Variants in PLXNA4 observed in about 807,000 individuals in gnomAD.
PLXNA4 encodes plexin A4, also known as plexin-A4.
PLXNA4 carries 44 observed loss-of-function variants against 191.8 expected under a neutral mutation model. The observed-to-expected ratio is 0.23, with a 90% CI of 0.18 to 0.29. The LOEUF (loss-of-function observed/expected upper bound fraction) is 0.29. PLXNA4 is among the 10% of genes least tolerant of loss of function. PLXNA4 has a pLI of 1.00. For synonymous variants in PLXNA4, 1,082 were observed against 1,009.5 expected, an observed-to-expected ratio of 1.07 and a Z score of -1.36; for missense variants, 1,800 against 2,488.8, an observed-to-expected ratio of 0.72 and a Z score of 5.89.
chr7:132,515,935 G>T (rs1178084450), intron 1 of PLXNA4, among the ~76,000 whole-genome samples: 1 of 152,196 alleles, frequency 6.6e-6, no homozygotes, highest in Non-Finnish European at 1.5e-5. Context: ...TGAGGACAAG[G>T]ATTATATATT....
intron 3 of PLXNA4, among the ~76,000 whole-genome samples, chr7:132,339,170 A>T (rs1320232027): frequency 2.6e-5 from 4 of 152,226 alleles, no homozygotes; most frequent in African/African-American, 9.6e-5. Flanking sequence ...TTCACAGACC[A>T]CACAAACTGA....
At chr7:132,626,492 A>T (rs996414453) in intron 2 of PLXNA4, among the ~76,000 whole-genome samples, 3 of 152,180 alleles carry the variant, frequency 2.0e-5, no homozygotes, top group African/African-American at 7.2e-5. Context: ...GTTTAGCACC[A>T]TCCCTTTGGT....
intron 3 of PLXNA4, among the ~76,000 whole-genome samples, chr7:132,442,494 C>T (rs1168650005): frequency 2.0e-5 from 3 of 152,328 alleles, no homozygotes; most frequent in East Asian, 1.9e-4. Flanking sequence ...TTTTCTCGAA[C>T]GGGCAACTTT....
intron 2 of PLXNA4, among the ~76,000 whole-genome samples, chr7:132,591,620 T>G (rs977223496): frequency 1.3e-5 from 2 of 152,240 alleles, no homozygotes; most frequent in African/African-American, 4.8e-5. Flanking sequence ...AAAAATTTAC[T>G]GGTAAGGGTC....
intron 1 of PLXNA4, among the ~76,000 whole-genome samples, chr7:132,515,156 A>T (rs1294896735): frequency 6.6e-6 from 1 of 152,190 alleles, no homozygotes; most frequent in South Asian, 2.1e-4. Flanking sequence ...ACCAGATGTA[A>T]CCTTGGAGAG....
At chr7:132,583,403 C>T (rs987371674) in intron 2 of PLXNA4, among the ~76,000 whole-genome samples, 1 of 152,216 alleles carries the variant, frequency 6.6e-6, no homozygotes, top group African/African-American at 2.4e-5. Flanking sequence ...GCTGATCGTC[C>T]ACTTTCCCTC....
At chr7:132,547,658 C>T (rs1325738070) in intron 1 of PLXNA4, among the ~76,000 whole-genome samples, 3 of 152,054 alleles carry the variant, frequency 2.0e-5, no homozygotes, top group African/African-American at 7.2e-5. Context: ...AATCAAGGGA[C>T]AGACATTCCA....
chr7:132,401,498 A>C (rs1167475140), intron 3 of PLXNA4, among the ~76,000 whole-genome samples: 1 of 152,246 alleles, frequency 6.6e-6, no homozygotes, highest in East Asian at 1.9e-4. Flanking sequence ...CATGTGATAC[A>C]GTACCAAAAG....
At chr7:132,536,998 G>C (rs979295637) in intron 1 of PLXNA4, among the ~76,000 whole-genome samples, 1 of 152,226 alleles carries the variant, frequency 6.6e-6, no homozygotes, top group Non-Finnish European at 1.5e-5. Flanking sequence ...TGATTTAAAA[G>C]ATGGCAAGGA....
intron 1 of PLXNA4, among the ~76,000 whole-genome samples, chr7:132,542,439 T>C (rs1800124939): frequency 1.3e-5 from 2 of 152,182 alleles, no homozygotes; most frequent in African/African-American, 2.4e-5. Flanking sequence ...AATACTACAA[T>C]GTGTCTTCAA....
At chr7:132,227,778 GC>G (rs1798379398) in intron 6 of PLXNA4, among the ~76,000 whole-genome samples, 174 bp from the exon 7 acceptor site, 1 of 152,168 alleles carries the variant, frequency 6.6e-6, no homozygotes, top group Admixed American at 6.5e-5. Flanking sequence ...TGGCACAGAG[GC>G]CGTGGTGAGA....
chr7:132,194,836 G>A (rs1228024328), intron 13 of PLXNA4, among the ~76,000 whole-genome samples: 1 of 152,116 alleles, frequency 6.6e-6, no homozygotes, highest in East Asian at 1.9e-4. Flanking sequence ...GCAGTAAAAA[G>A]TGAGTGCCCC....
At chr7:132,506,049 T>C (rs1798452318) in intron 2 of PLXNA4, among the ~76,000 whole-genome samples, 1 of 152,122 alleles carries the variant, frequency 6.6e-6, no homozygotes, top group South Asian at 2.1e-4. Flanking sequence ...TCCTATTTCC[T>C]TTGTGACATC....
chr7:132,531,854 G>T (rs752227245), intron 1 of PLXNA4, among the ~76,000 whole-genome samples: 11 of 152,200 alleles, frequency 7.2e-5, no homozygotes, highest in South Asian at 2.1e-4. Context: ...TTGGTAATTT[G>T]CATTCTTAAC....
intron 3 of PLXNA4, among the ~76,000 whole-genome samples, chr7:132,356,105 C>T (rs1459621852): frequency 6.6e-6 from 1 of 152,178 alleles, no homozygotes; most frequent in African/African-American, 2.4e-5. Flanking sequence ...AGGGAAACCA[C>T]TTTACTCATA....
chr7:132,140,868 T>G (rs1363339241), intron 29 of PLXNA4, 57 bp from the exon 30 acceptor site: 1 of 1,594,518 alleles, frequency 6.3e-7, no homozygotes, highest in Non-Finnish European at 8.5e-7. Context: ...GGCTGTGGTG[T>G]GGGTAGGAGG....
At chr7:132,137,246 A>G (rs1563051086) in intron 30 of PLXNA4, among the ~76,000 whole-genome samples, 1 of 152,186 alleles carries the variant, frequency 6.6e-6, no homozygotes, top group Admixed American at 6.5e-5. Flanking sequence ...CGTGACACAC[A>G]TGATAGATGA....
At chr7:132,250,925 A>G (rs549197621) in intron 4 of PLXNA4, among the ~76,000 whole-genome samples, 1 of 152,220 alleles carries the variant, frequency 6.6e-6, no homozygotes, top group East Asian at 1.9e-4. Context: ...GTCAGGGCTG[A>G]AGCAGGGGCA....
intron 3 of PLXNA4, among the ~76,000 whole-genome samples, chr7:132,347,505 T>C (rs1803292750): frequency 6.6e-6 from 1 of 152,200 alleles, no homozygotes; most frequent in African/African-American, 2.4e-5. Context: ...ACCAAGAAAC[T>C]GACCAAATCA....
Sources: allele counts gnomAD v4.1 joint callset (sites outside exome capture counted in the v4.1 genomes callset), GRCh38; gene constraint gnomAD v4.1.1; transcripts MANE v1.5; gene names NCBI Gene and HGNC (gene_info 2026-07-23, HGNC 2026-07-21).